MYO9A: variants seen among roughly 807,000 people sequenced by gnomAD.
The protein encoded by MYO9A is unconventional myosin-IXa.
A neutral mutation model predicts 293.3 loss-of-function variants in MYO9A; 103 were observed. That is an observed-to-expected ratio of 0.35 (90% confidence interval 0.30 to 0.41). MYO9A has a LOEUF of 0.41. Ranked by LOEUF, MYO9A falls within the 10% of genes least tolerant of loss-of-function variation. The probability of loss-of-function intolerance (pLI) is 1.00; values close to 1 mark genes in which losing one functional copy is unlikely to be tolerated. For synonymous variants in MYO9A, 1,001 were observed against 1,035.7 expected (o/e 0.97, Z 0.64); for missense variants, 2,685 against 3,033.0 (o/e 0.89, Z 2.69).
intron 1 of MYO9A, among the ~76,000 whole-genome samples, chr15:72,107,540 C>G (rs368016966): frequency 6.6e-6 from 1 of 151,992 alleles, no homozygotes; most frequent in Non-Finnish European, 1.5e-5. Context: ...CAGAGCAAGA[C>G]TTTGCCCCTC....
At chr15:72,029,244 C>T (rs2077785374) in intron 3 of MYO9A, among the ~76,000 whole-genome samples, 1 of 152,212 alleles carries the variant, frequency 6.6e-6, no homozygotes, top group South Asian at 2.1e-4. Flanking sequence ...ATACCAACTT[C>T]AGGGAAAACA....
At chr15:71,970,421 C>T (rs1249729679) in intron 12 of MYO9A, among the ~76,000 whole-genome samples, 1 of 152,098 alleles carries the variant, frequency 6.6e-6, no homozygotes, top group Non-Finnish European at 1.5e-5. Flanking sequence ...AAGAACACAA[C>T]TAAGGATATA....
chr15:71,876,846 A>G (rs1204938411), intron 31 of MYO9A, among the ~76,000 whole-genome samples: 1 of 152,200 alleles, frequency 6.6e-6, no homozygotes, highest in Non-Finnish European at 1.5e-5. Flanking sequence ...ACTCTTTTCC[A>G]TATGACATTT....
At chr15:72,079,535 T>G (rs1251018887) in intron 1 of MYO9A, among the ~76,000 whole-genome samples, 1 of 152,156 alleles carries the variant, frequency 6.6e-6, no homozygotes, top group Non-Finnish European at 1.5e-5. Context: ...AGGTGACATA[T>G]GGTCTACAAG....
chr15:72,059,178 G>T (rs189310304), intron 1 of MYO9A, among the ~76,000 whole-genome samples: 1 of 152,144 alleles, frequency 6.6e-6, no homozygotes, highest in Non-Finnish European at 1.5e-5. Context: ...AGTAGTACAG[G>T]TTGGAATCAA....
intron 39 of MYO9A, among the ~76,000 whole-genome samples, chr15:71,843,900 T>C (rs561515498): frequency 8.2e-4 from 125 of 152,330 alleles, no homozygotes; most frequent in Middle Eastern, 3.4e-3. Flanking sequence ...CACCAAAATT[T>C]ACATTAAGTA....
rs192958709 is a variant in MYO9A, at chr15:71,956,834, T to A, written c.2182+3067A>T. 6.7e-4 allele frequency among the ~76,000 whole-genome samples: 81 copies of A among 121,480 alleles called. 1 individual carries two copies. In the Admixed American group the frequency reaches 7.9e-3, roughly 12 times the overall value. 79.7% of individuals were successfully genotyped at this position (121,480 alleles called of 152,430 possible). The stretch of plus-strand genomic sequence containing the variant: ...ATATATGCTATATATGCTATATATA[T>A]ATACACACACACACACACACACACA... On this transcript the variant is annotated intron_variant, in intron 14 of 41. Transcript: ENST00000356056.
chr15:71,850,765 C>CCAA (rs2055603993), intron 37 of MYO9A, among the ~76,000 whole-genome samples: 1 of 44,142 alleles, frequency 2.3e-5, no homozygotes, highest in African/African-American at 1.0e-4. Context: ...AACTGTGTCT[C>CCAA]AAAAAAAAAA....
Position 71,968,040 on chromosome 15 carries a change from T to C in MYO9A, c.1930A>G (p.Met644Val). The change falls in exon 13 of 42, where the codon ATG becomes GTG. Residue 644 changes from methionine to valine, a missense_variant. By Grantham distance (21) the Met-to-Val change is conservative (BLOSUM62 1). Coordinates refer to ENST00000356056, the MANE Select transcript of MYO9A (RefSeq NM_006901.4). ...DNSYIEFPAV[M>V]EPAFIIKHYA... ...TGTTTTATAATGAAAGCAGGCTCCA[T>C]CACGGCTGGAAATTCGATGTAAGAA... The C allele has an allele frequency of 6.2e-7, 1 of 1,612,634 alleles. No individual in the cohort carries two copies. The highest frequency in any genetic ancestry group is 8.5e-7 in the Non-Finnish European group (1 of 1,179,318).
intron 15 of MYO9A, among the ~76,000 whole-genome samples, chr15:71,939,310 T>TAAGCC (rs1327123939): frequency 6.6e-6 from 1 of 152,180 alleles, no homozygotes; most frequent in Non-Finnish European, 1.5e-5. Flanking sequence ...ACCCAGGTAC[T>TAAGCC]AAGCCCAGTA....
intron 1 of MYO9A, among the ~76,000 whole-genome samples, chr15:72,089,673 C>A (rs891286301): frequency 5.3e-5 from 8 of 152,060 alleles, no homozygotes; most frequent in African/African-American, 1.9e-4. Flanking sequence ...CCCAGTTACT[C>A]AGGAGGCTGA....
chr15:71,831,995 G>A (rs2054747802), intron 39 of MYO9A, among the ~76,000 whole-genome samples: 1 of 152,168 alleles, frequency 6.6e-6, no homozygotes, highest in South Asian at 2.1e-4. Context: ...GTAAAAGAAT[G>A]GCTGGGCACC....
chr15:71,927,767 T>A (rs954049776), intron 18 of MYO9A, among the ~76,000 whole-genome samples: 29 of 151,766 alleles, frequency 1.9e-4, no homozygotes, highest in African/African-American at 7.0e-4. Flanking sequence ...TATATTTAAG[T>A]CTTTAACCTA....
intron 12 of MYO9A, among the ~76,000 whole-genome samples, chr15:71,974,140 T>C (rs1337706041): frequency 6.6e-6 from 1 of 151,788 alleles, no homozygotes; most frequent in Admixed American, 6.6e-5. Flanking sequence ...AAACAGAAAA[T>C]ATCGCATGGA....
intron 1 of MYO9A, among the ~76,000 whole-genome samples, chr15:72,048,058 T>C (rs1035714176): frequency 6.6e-6 from 1 of 152,044 alleles, no homozygotes; most frequent in African/African-American, 2.4e-5. Flanking sequence ...CCTGTTTGCC[T>C]AGATGGTCTT....
At chr15:71,843,994 C>G (rs1226263072) in intron 39 of MYO9A, among the ~76,000 whole-genome samples, 1 of 152,182 alleles carries the variant, frequency 6.6e-6, no homozygotes, top group Non-Finnish European at 1.5e-5. Context: ...CAAAACAAAG[C>G]CTATTTTGGT....
chr15:72,000,496 T>G (rs1048160224), intron 8 of MYO9A, among the ~76,000 whole-genome samples: 1 of 152,238 alleles, frequency 6.6e-6, no homozygotes, highest in African/African-American at 2.4e-5. Context: ...TTTCACATTA[T>G]CATTTCAGTT....
In MYO9A at chr15:72,032,591, G is replaced by A; in HGVS notation, c.841-3C>T. ...GCTGTCTTTGCATTTCCAAAGGCCT[G>A]TCAAAATAAATAATTCTCATTAGTT... On this transcript the variant is annotated splice_polypyrimidine_tract_variant and splice_region_variant and intron_variant, in intron 2 of 41. Coordinates refer to ENST00000356056, the MANE Select transcript of MYO9A (RefSeq NM_006901.4). The A allele has an allele frequency of 6.4e-7, 1 of 1,573,910 alleles. No individual in the cohort carries two copies.
At chr15:72,082,448 A>G (rs2079575962) in intron 1 of MYO9A, among the ~76,000 whole-genome samples, 3 of 152,344 alleles carry the variant, frequency 2.0e-5, no homozygotes, top group African/African-American at 7.2e-5. Flanking sequence ...TTTTCTAAAT[A>G]TAGTCATGTC....
Sources: allele counts gnomAD v4.1 joint callset (sites outside exome capture counted in the v4.1 genomes callset), GRCh38; gene constraint gnomAD v4.1.1; transcripts MANE v1.5; gene names NCBI Gene and HGNC (gene_info 2026-07-23, HGNC 2026-07-21).